GINS1: variants seen among roughly 807,000 people sequenced by gnomAD.
The protein encoded by GINS1 is GINS complex subunit 1, also known as DNA replication complex GINS protein PSF1.
GINS1 carries 26 observed loss-of-function variants against 34.9 expected under a neutral mutation model. That is an observed-to-expected ratio of 0.74 (90% confidence interval 0.55 to 1.03). The LOEUF (loss-of-function observed/expected upper bound fraction) is 1.03, where lower values mean the gene tolerates loss of function less well. GINS1 is among the 50% of genes least tolerant of loss of function. The pLI is 0.00. For synonymous variants in GINS1, 97 were observed against 84.4 expected, an observed-to-expected ratio of 1.15 and a Z score of -0.82; for missense variants, 235 against 237.9, an observed-to-expected ratio of 0.99 and a Z score of 0.08.
intron 5 of GINS1, among the ~76,000 whole-genome samples, chr20:25,435,713 C>T (rs1460575003): frequency 3.6e-5 from 5 of 137,196 alleles, no homozygotes; most frequent in African/African-American, 1.4e-4. Context: ...TGCAGTGAGC[C>T]GAGATCACAC....
intron 6 of GINS1, among the ~76,000 whole-genome samples, chr20:25,443,481 T>TC (rs1276133820): frequency 1.3e-5 from 2 of 149,370 alleles, no homozygotes; most frequent in Non-Finnish European, 3.0e-5. Context: ...AATTTCTTTT[T>TC]TTTTTTTTTT....
chr20:25,408,147 C>G (rs951187849), intron 1 of GINS1, among the ~76,000 whole-genome samples: 3 of 152,244 alleles, frequency 2.0e-5, no homozygotes, highest in Non-Finnish European at 2.9e-5. Context: ...TTGTTCCGGT[C>G]CCTTAAAATA....
In GINS1 at chr20:25,428,555, C is replaced by T. The variant is rs148440805; in HGVS notation, c.447+3228C>T. ...AGTAGCTGGGACCACAGGTGCCCAC[C>T]ACGACGCCCAGCTAATTTTTTGTAT... is the stretch of plus-strand genomic sequence containing the variant. On this transcript the variant is annotated intron_variant, in intron 5 of 6. Transcript: ENST00000262460. Among the ~76,000 whole-genome samples, 739 of 151,814 alleles carry T rather than the reference C, an allele frequency of 4.9e-3. 10 individuals are homozygous for T. Among genetic ancestry groups the T allele is most frequent in the African/African-American group, 0.017 (702 of 41,396 alleles).
chr20:25,419,161 C>T (rs898856513), intron 4 of GINS1, among the ~76,000 whole-genome samples: 2 of 152,282 alleles, frequency 1.3e-5, no homozygotes, highest in Admixed American at 1.3e-4. Context: ...CACAGGGTTA[C>T]TTCAGGTGGT....
At chr20:25,425,165 C>T in intron 4 of GINS1, 46 bp from the exon 5 acceptor site, 1 of 824,200 alleles carries the variant, frequency 1.2e-6, no homozygotes, top group Non-Finnish European at 2.1e-6. Flanking sequence ...TCAGTGTGTG[C>T]AAGTTTTCTT....
chr20:25,414,681 C>G (rs969480341), intron 2 of GINS1, among the ~76,000 whole-genome samples: 6 of 152,060 alleles, frequency 3.9e-5, no homozygotes, highest in African/African-American at 1.2e-4. Flanking sequence ...GCCTGGGTGA[C>G]AGAAGGAGAT....
At chr20:25,413,082 G>A (rs373916413) in intron 1 of GINS1, among the ~76,000 whole-genome samples, 2 of 148,844 alleles carry the variant, frequency 1.3e-5, no homozygotes, top group African/African-American at 2.5e-5. Context: ...TCTTTGAGAC[G>A]AAGTTTCGCT....
intron 1 of GINS1, among the ~76,000 whole-genome samples, chr20:25,412,166 C>T (rs879380409): frequency 6.6e-5 from 10 of 151,982 alleles, no homozygotes; most frequent in African/African-American, 1.9e-4. Context: ...AAAATTTGCC[C>T]GAAACTGGAT....
At chr20:25,432,057 G>T (rs1023590671) in intron 5 of GINS1, among the ~76,000 whole-genome samples, 2 of 151,858 alleles carry the variant, frequency 1.3e-5, no homozygotes, top group African/African-American at 4.8e-5. Flanking sequence ...ATTTTTAGTA[G>T]AGACGGGGTT....
chr20:25,438,051 G>A (rs2090463160), intron 5 of GINS1, among the ~76,000 whole-genome samples: 1 of 150,364 alleles, frequency 6.7e-6, no homozygotes, highest in African/African-American at 2.5e-5. Flanking sequence ...CCCATGAGAA[G>A]GAGGTTGCAG....
chr20:25,412,209 T>A (rs1353284229), intron 1 of GINS1, among the ~76,000 whole-genome samples: 1 of 152,192 alleles, frequency 6.6e-6, no homozygotes, highest in Non-Finnish European at 1.5e-5. Context: ...GTTTTTGCAG[T>A]GCAAACCAAA....
chr20:25,438,027 G>C (rs2090463048), intron 5 of GINS1, among the ~76,000 whole-genome samples: 1 of 150,916 alleles, frequency 6.6e-6, no homozygotes, highest in African/African-American at 2.4e-5. Context: ...TTTGAGGCGG[G>C]AGAATCGCTT....
At chr20:25,445,183 C>CTATAAA (rs1480530300) in intron 6 of GINS1, among the ~76,000 whole-genome samples, 2 of 152,126 alleles carry the variant, frequency 1.3e-5, no homozygotes, top group Non-Finnish European at 2.9e-5. Context: ...TGGATTAAAA[C>CTATAAA]AGCAAATATA....
At chr20:25,437,813 C>T (rs2090461739) in intron 5 of GINS1, among the ~76,000 whole-genome samples, 1 of 151,924 alleles carries the variant, frequency 6.6e-6, no homozygotes. Flanking sequence ...ACATTACCAA[C>T]AGTTTTCAGA....
chr20:25,416,530 A>G (rs1010052731), intron 2 of GINS1, among the ~76,000 whole-genome samples: 4 of 152,228 alleles, frequency 2.6e-5, no homozygotes, highest in Non-Finnish European at 4.4e-5. Context: ...TATTCATTCA[A>G]AAGTTACATG....
intron 2 of GINS1, among the ~76,000 whole-genome samples, chr20:25,415,869 A>G (rs2090317672): frequency 6.6e-6 from 1 of 152,134 alleles, no homozygotes; most frequent in Non-Finnish European, 1.5e-5. Context: ...CTTCTCTCCA[A>G]AGAGGAGACA....
chr20:25,417,062 T>A lies in GINS1; in HGVS notation c.141-42T>A, dbSNP rs376662555. ...TTGGCTTTGAAAATTTTACTTATCC[T>A]GAAAAGTACATATTTTTTTTCTTTT... On this transcript the variant is annotated intron_variant, in intron 2 of 6. Transcript: ENST00000262460. 6 of 907,050 alleles carry A rather than the reference T, an allele frequency of 6.6e-6. No homozygotes were observed. The African/African-American group carries it at 1.0e-4, about 15-fold the overall frequency. The allele number at this position is 907,050 out of a possible 1,614,324, so 56.2% of individuals were successfully genotyped here. A position where few individuals can be genotyped will look rare whatever the true frequency, so the allele number is the denominator to read the frequency against.
chr20:25,433,474 A>G (rs549718300), intron 5 of GINS1, among the ~76,000 whole-genome samples: 1 of 152,278 alleles, frequency 6.6e-6, no homozygotes, highest in East Asian at 1.9e-4. Context: ...GATTACTTAC[A>G]ATACCTTATA....
At chr20:25,410,462 G>A (rs1256497208) in intron 1 of GINS1, among the ~76,000 whole-genome samples, 9 of 152,176 alleles carry the variant, frequency 5.9e-5, no homozygotes, top group Admixed American at 5.9e-4. Context: ...CCAGCAGCCT[G>A]GAACACTTAG....
Sources: allele counts gnomAD v4.1 joint callset (sites outside exome capture counted in the v4.1 genomes callset), GRCh38; gene constraint gnomAD v4.1.1; transcripts MANE v1.5; gene names NCBI Gene and HGNC (gene_info 2026-07-23, HGNC 2026-07-21).